RNF6: variants seen among roughly 807,000 people sequenced by gnomAD.
RNF6 encodes the protein ring finger protein 6.
In RNF6, 21 loss-of-function variants were observed where a neutral mutation model predicts 50.1. The ratio of observed to expected loss-of-function variants is 0.42; its 90% CI spans 0.30 to 0.60. The LOEUF (loss-of-function observed/expected upper bound fraction) is 0.60. Ranked by LOEUF, RNF6 falls within the 20% of genes least tolerant of loss-of-function variation. The pLI is 0.20. For synonymous variants in RNF6, 255 were observed against 291.8 expected, an observed-to-expected ratio of 0.87 and a Z score of 1.29; for missense variants, 698 against 838.2, an observed-to-expected ratio of 0.83 and a Z score of 2.07.
chr13:26,176,531 A>C (rs1872965946), intron 5 of RNF6, among the ~76,000 whole-genome samples: 1 of 152,238 alleles, frequency 6.6e-6, no homozygotes, highest in Non-Finnish European at 1.5e-5. Flanking sequence ...CCTGACCCCT[A>C]GTACCTGTGA....
Position 26,222,184 on chromosome 13 carries a change from G to C in RNF6, c.-283C>G, listed in dbSNP as rs942781154. 3 of 152,418 alleles carry C rather than the reference G, an allele frequency of 2.0e-5. No individual in the cohort carries two copies. Among genetic ancestry groups the C allele is most frequent in the Admixed American group, 6.5e-5 (1 of 15,286 alleles). The allele number at this position is 152,418 out of a possible 1,614,324, so 9.4% of individuals were successfully genotyped here. ...AGCCGGAAGCCCGTGCTGCAGCGTG[G>C]GGTCGTCCAGCTGGAGGGGATACTC... On this transcript the variant is annotated 5_prime_UTR_variant, in exon 1 of 5. Transcript: ENST00000381588.
Position 26,219,660 on chromosome 13 carries a change from CT to C in RNF6, c.-12del. 6.2e-7 allele frequency: 1 copy of C among 1,611,370 alleles called. No individual in the cohort carries two copies. The highest frequency in any genetic ancestry group is 8.5e-7 in the Non-Finnish European group (1 of 1,179,164). ...TCTAGACTGATTCATCCTGAGATTCCTGGCTTTCTGTTCAAACAATATAAAC... is the reference window on the plus strand; with the variant it reads ...TCTAGACTGATTCATCCTGAGATTCCGGCTTTCTGTTCAAACAATATAAAC... On this transcript the variant is annotated 5_prime_UTR_variant, in exon 3 of 5. Coordinates refer to ENST00000381588, the MANE Select transcript of RNF6 (RefSeq NM_005977.4).
intron 5 of RNF6, among the ~76,000 whole-genome samples, chr13:26,168,098 C>T (rs149653368): frequency 4.1e-4 from 62 of 152,298 alleles, no homozygotes; most frequent in African/African-American, 1.4e-3. Flanking sequence ...TTATTATGTA[C>T]TACACTTAGT....
In RNF6 at chr13:26,214,416, G is replaced by A. The variant is rs1161256163; in HGVS notation, c.1466C>T (p.Thr489Ile). The A allele has an allele frequency of 6.2e-7, 1 of 1,614,032 alleles. No individual in the cohort carries two copies. Among genetic ancestry groups the A allele is most frequent in the Non-Finnish European group, 8.5e-7 (1 of 1,180,046 alleles). Reference sequence around the variant, plus strand: ...TAGAGAACTCAGTTCTCCAAACCCAGTCATGATCTGCCTTAAAATTGACCG... The same window carrying A: ...TAGAGAACTCAGTTCTCCAAACCCAATCATGATCTGCCTTAAAATTGACCG... ...ALRSILRQIM[T>I]GFGELSSLME... The change falls in exon 5 of 5, where the codon ACT (threonine) becomes ATT (isoleucine). Residue 489 changes from threonine to isoleucine, a missense_variant. Transcript: ENST00000381588.
chr13:26,190,282 A>T (rs11839733), intron 5 of RNF6, among the ~76,000 whole-genome samples: 11,810 of 152,184 alleles, frequency 0.078, 607 homozygotes, highest in African/African-American at 0.13. Flanking sequence ...TCATCTCCCT[A>T]TTTTAAGATT....
rs1869807377 is a variant in RNF6 at position 26,215,695 on chromosome 13, C to T, written c.290-103G>A. On this transcript the variant is annotated intron_variant, in intron 4 of 4. Coordinates refer to ENST00000381588, the MANE Select transcript of RNF6 (RefSeq NM_005977.4). ...ACAAAGTTTGTAATAAATTAAAGAACATCTGTGGATTTTAATGAATGAAAG... is the reference window on the plus strand; with the variant it reads ...ACAAAGTTTGTAATAAATTAAAGAATATCTGTGGATTTTAATGAATGAAAG... 7 of 1,015,552 alleles carry T rather than the reference C, an allele frequency of 6.9e-6. No individual in the cohort carries two copies. In the South Asian group the frequency reaches 1.1e-4, roughly 16 times the overall value. The allele number at this position is 1,015,552 out of a possible 1,614,324, so 62.9% of individuals were successfully genotyped here. A position where few individuals can be genotyped will look rare whatever the true frequency, so the allele number is the denominator to read the frequency against.
At chr13:26,221,210 T>C (rs1870452352) in intron 2 of RNF6, 38 bp downstream of exon 2, 1 of 152,260 alleles carries the variant, frequency 6.6e-6, no homozygotes. Context: ...AAGGTAATTT[T>C]CTTATACAGT....
chr13:26,186,436 G>T (rs1194004681), intron 5 of RNF6, among the ~76,000 whole-genome samples: 1 of 152,244 alleles, frequency 6.6e-6, no homozygotes. Flanking sequence ...ACGCGCCGGG[G>T]GGCGTCTGCG....
In RNF6 at chr13:26,213,606, A is replaced by G. The variant is rs1869479699; in HGVS notation, c.*218T>C. On this transcript the variant is annotated 3_prime_UTR_variant, in exon 5 of 5. Coordinates refer to ENST00000381588, the MANE Select transcript of RNF6 (RefSeq NM_005977.4). The stretch of plus-strand genomic sequence containing the variant: ...TTTTAGAGGTTATTTGGTTCTAGCA[A>G]TATTAACTATTCTGTATTTCTGGAT... 2 of 395,184 alleles carry G rather than the reference A, an allele frequency of 5.1e-6. No homozygotes were observed. The highest frequency in any genetic ancestry group is 8.9e-6 in the Non-Finnish European group (2 of 224,836). The allele number at this position is 395,184 out of a possible 1,614,324, so 24.5% of individuals were successfully genotyped here. A position where few individuals can be genotyped will look rare whatever the true frequency, so the allele number is the denominator to read the frequency against.
At chr13:26,182,451 A>G (rs191392048) in intron 5 of RNF6, among the ~76,000 whole-genome samples, 8 of 152,334 alleles carry the variant, frequency 5.3e-5, no homozygotes, top group African/African-American at 1.9e-4. Flanking sequence ...TGATAAATTG[A>G]TCATCTAATT....
downstream of RNF6, among the ~76,000 whole-genome samples, chr13:26,208,154 T>G (rs947643916): frequency 4.6e-5 from 7 of 152,238 alleles, no homozygotes; most frequent in African/African-American, 1.7e-4. Context: ...AAGGCTTGTT[T>G]GCAAGGTTGG....
intron 5 of RNF6, among the ~76,000 whole-genome samples, chr13:26,157,628 ACAAT>A (rs1394765997): frequency 1.3e-5 from 2 of 152,226 alleles, no homozygotes; most frequent in Non-Finnish European, 2.9e-5. Context: ...ATCCTCAGTA[ACAAT>A]CAAAGAAGTG....
rs760384769 is a variant in RNF6 at position 26,215,143 on chromosome 13, G to T, written c.739C>A (p.Arg247=). The T allele has an allele frequency of 5.0e-6, 8 of 1,614,038 alleles. No homozygotes were observed. Among genetic ancestry groups the T allele is most frequent in the African/African-American group, 1.3e-5 (1 of 74,890 alleles). Residue 247 remains arginine (R), a synonymous_variant, in exon 5 of 5, where the codon CGA becomes AGA. Transcript: ENST00000381588. ...NGIGGAAGIP[R]ANASRTNFSS... ...AAATTAGTGCGTGAAGCGTTAGCTC[G>T]AGGAATGCCAGCTGCTCCCCCAATT...
chr13:26,219,235 C>T (rs924246892), intron 3 of RNF6: 5 of 402,828 alleles, frequency 1.2e-5, no homozygotes, highest in African/African-American at 2.0e-5. Context: ...CTTAGTTTGG[C>T]ATTTGTATAA....
chr13:26,150,470 T>C (rs1396563326), intron 5 of RNF6, among the ~76,000 whole-genome samples: 21 of 152,166 alleles, frequency 1.4e-4, no homozygotes. Context: ...TCCCTGTACC[T>C]GGGACAAGGC....
At chr13:26,134,010 G>A (rs1298759587) in intron 5 of RNF6, among the ~76,000 whole-genome samples, 1 of 152,132 alleles carries the variant, frequency 6.6e-6, no homozygotes, top group Non-Finnish European at 1.5e-5. Context: ...CTCCAACAGG[G>A]GAAAGGAGGT....
At chr13:26,149,228 A>G (rs1171142400) in intron 5 of RNF6, 1 of 152,170 alleles carries the variant, frequency 6.6e-6, no homozygotes, top group African/African-American at 2.4e-5. Context: ...GGAAAAATTC[A>G]TTACATCAAA....
downstream of RNF6, among the ~76,000 whole-genome samples, chr13:26,210,433 A>C (rs1869277089): frequency 6.6e-6 from 1 of 152,236 alleles, no homozygotes; most frequent in African/African-American, 2.4e-5. Flanking sequence ...CCCTTAATGC[A>C]GCATCTTCAG....
chr13:26,179,165 T>C (rs1196373951), intron 5 of RNF6, among the ~76,000 whole-genome samples: 1 of 151,916 alleles, frequency 6.6e-6, no homozygotes, highest in Non-Finnish European at 1.5e-5. Flanking sequence ...CAGAGTTCTG[T>C]AAGGGTTCTT....
Sources: gnomAD v4.1 joint callset for allele counts (sites outside exome capture counted in the v4.1 genomes callset) on GRCh38, gnomAD v4.1.1 for gene constraint, MANE v1.5 for transcripts, NCBI Gene and HGNC (gene_info 2026-07-23, HGNC 2026-07-21) for gene names.